Variants in CALD1 observed in about 807,000 individuals in gnomAD.
CALD1 encodes caldesmon 1, also known as caldesmon.
CALD1 carries 33 observed loss-of-function variants against 99.9 expected under a neutral mutation model. That is an observed-to-expected ratio of 0.33 (90% CI 0.25 to 0.44). The LOEUF is 0.44. CALD1 is among the 20% of genes least tolerant of loss of function. The probability of loss-of-function intolerance (pLI) is 1.00; values close to 1 mark genes in which losing one functional copy is unlikely to be tolerated. For missense variants in CALD1, 861 were observed against 962.1 expected, an observed-to-expected ratio of 0.89 and a Z score of 1.39; for synonymous variants, 310 against 325.0, an observed-to-expected ratio of 0.95 and a Z score of 0.50.
In CALD1 at chr7:134,933,853, G is replaced by A; in HGVS notation, c.1084G>A (p.Glu362Lys). The change falls in exon 5 of 15, where the codon GAA (glutamate) becomes AAA (lysine). Residue 362 changes from glutamate (E) to lysine (K), a missense_variant. This residue lies in a region of CALD1 where 21 missense variants were observed against 47.5 expected (regional missense o/e 0.44). Transcript: ENST00000361675. ...AGAGGAGAGGCAGAGGATAAAAGAG[G>A]AAGAGAAAAGGGCAGCAGAGGAGAG... Reference protein sequence around the residue: ...AAEERQRIKEEEKRAAEERQR... With the variant: ...AAEERQRIKEKEKRAAEERQR... 1 of 1,609,390 alleles carries A rather than the reference G, an allele frequency of 6.2e-7. No homozygotes were observed. Among genetic ancestry groups the A allele is most frequent in the Non-Finnish European group, 8.5e-7 (1 of 1,177,576 alleles).
At chr7:134,872,375 A>C (rs1024461061) in intron 3 of CALD1, among the ~76,000 whole-genome samples, 2 of 128,192 alleles carry the variant, frequency 1.6e-5, no homozygotes, top group Admixed American at 1.5e-4. Context: ...AAAAAAAAAA[A>C]AAAAAAACTT....
chr7:134,960,726 C>A, intron 13 of CALD1, 98 bp downstream of exon 13: 1 of 714,446 alleles, frequency 1.4e-6, no homozygotes, highest in Non-Finnish European at 2.5e-6. Context: ...AATGGCAGTG[C>A]CCCTGTTCTT....
intron 3 of CALD1, among the ~76,000 whole-genome samples, chr7:134,883,927 G>A (rs1006511591): frequency 1.3e-5 from 2 of 152,144 alleles, no homozygotes; most frequent in Non-Finnish European, 2.9e-5. Flanking sequence ...GACCAACACG[G>A]TGAGGTCTCT....
intron 1 of CALD1, among the ~76,000 whole-genome samples, chr7:134,771,139 C>T (rs1206816868): frequency 6.6e-6 from 1 of 152,140 alleles, no homozygotes; most frequent in Non-Finnish European, 1.5e-5. Flanking sequence ...GTGTTAGCTC[C>T]CACATCTCCG....
At chr7:134,749,305 G>A (rs1796664261) in intron 1 of CALD1, among the ~76,000 whole-genome samples, 1 of 152,248 alleles carries the variant, frequency 6.6e-6, no homozygotes, top group Admixed American at 6.5e-5. Context: ...AGGATGCAGA[G>A]CAAGGACTGG....
chr7:134,908,691 A>C (rs1792422953), intron 3 of CALD1, among the ~76,000 whole-genome samples: 1 of 152,188 alleles, frequency 6.6e-6, no homozygotes, highest in Non-Finnish European at 1.5e-5. Flanking sequence ...TCTAATGTGC[A>C]GCTGAGGTTG....
chr7:134,887,635 T>G (rs1476138302), intron 3 of CALD1, among the ~76,000 whole-genome samples: 1 of 151,668 alleles, frequency 6.6e-6, no homozygotes, highest in Non-Finnish European at 1.5e-5. Context: ...TGCCTGTGTG[T>G]ACATGCATGT....
the CALD1 span, among the ~76,000 whole-genome samples, chr7:134,713,329 C>T: frequency 6.6e-6 from 1 of 152,158 alleles, no homozygotes; most frequent in African/African-American, 2.4e-5. Context: ...TGGAAAATAA[C>T]CATAGTAAAT....
Position 134,933,863 on chromosome 7 carries a change from G to A in CALD1, c.1094G>A (p.Arg365Lys), listed in dbSNP as rs778911869. 1 of 1,611,310 alleles carries A rather than the reference G, an allele frequency of 6.2e-7. No individual in the cohort carries two copies. Among genetic ancestry groups the A allele is most frequent in the African/African-American group, 1.3e-5 (1 of 74,632 alleles). Residue 365 changes from arginine to lysine, a missense_variant, in exon 5 of 15, where the codon AGG becomes AAG. By Grantham distance (26) the Arg-to-Lys change is conservative (BLOSUM62 2). Coordinates refer to ENST00000361675, the MANE Select transcript of CALD1 (RefSeq NM_033138.4). The stretch of plus-strand genomic sequence containing the variant: ...CAGAGGATAAAAGAGGAAGAGAAAA[G>A]GGCAGCAGAGGAGAGGCAAAGGGCC... The part of the protein sequence containing the change: ...ERQRIKEEEK[R>K]AAEERQRARA...
chr7:134,947,588 A>G lies in CALD1; in HGVS notation c.1613A>G (p.Glu538Gly). 1 of 1,561,300 alleles carries G rather than the reference A, an allele frequency of 6.4e-7. No homozygotes were observed. The highest frequency in any genetic ancestry group is 8.7e-7 in the Non-Finnish European group (1 of 1,152,320). Residue 538 changes from glutamate to glycine, a missense_variant, in exon 8 of 15, where the codon GAG (glutamate) becomes GGG (glycine). This residue lies in a region of CALD1 where 293 missense variants were observed against 262.7 expected (regional missense o/e 1.12). Coordinates refer to ENST00000361675, the MANE Select transcript of CALD1 (RefSeq NM_033138.4). ...GTGGAAGCCGGCAAAAGGCTGGAGGAGCTTCGTCGTCGTCGCGGGGAGACC... is the reference window on the plus strand; with the variant it reads ...GTGGAAGCCGGCAAAAGGCTGGAGGGGCTTCGTCGTCGTCGCGGGGAGACC... ...PQVEAGKRLE[E>G]LRRRRGETES... is the part of the protein sequence containing the mutation.
chr7:134,886,859 T>C (rs1366015306), intron 3 of CALD1, among the ~76,000 whole-genome samples: 1 of 152,268 alleles, frequency 6.6e-6, no homozygotes, highest in Admixed American at 6.5e-5. Context: ...ATAGAATTTT[T>C]GTATACATGT....
intron 3 of CALD1, among the ~76,000 whole-genome samples, chr7:134,885,390 G>C (rs1252041498): frequency 1.3e-5 from 2 of 151,980 alleles, no homozygotes; most frequent in African/African-American, 4.8e-5. Context: ...TATTTCTCTA[G>C]CAATAGGAGC....
intron 2 of CALD1, among the ~76,000 whole-genome samples, chr7:134,858,504 CA>C (rs1248840726): frequency 1.3e-5 from 2 of 152,138 alleles, no homozygotes; most frequent in Non-Finnish European, 2.9e-5. Context: ...CCATATCTAA[CA>C]TACCTTCATG....
chr7:134,897,689 G>GT (rs1563077525), intron 3 of CALD1, among the ~76,000 whole-genome samples: 2 of 151,786 alleles, frequency 1.3e-5, no homozygotes, highest in Non-Finnish European at 2.9e-5. Context: ...GTTTTGTTTT[G>GT]TTTTTTGTTT....
chr7:134,808,068 C>G (rs894006879), intron 1 of CALD1, among the ~76,000 whole-genome samples: 2 of 151,662 alleles, frequency 1.3e-5, no homozygotes, highest in African/African-American at 4.8e-5. Context: ...AATTACAAAG[C>G]CTGTTCCATA....
chr7:134,935,481 G>A (rs943171951), intron 5 of CALD1, among the ~76,000 whole-genome samples: 9 of 152,244 alleles, frequency 5.9e-5, no homozygotes, highest in South Asian at 2.1e-4. Context: ...TTCAGTGAGC[G>A]CAATGGCAGG....
At chr7:134,932,214 C>A (rs1030069285) in intron 4 of CALD1, among the ~76,000 whole-genome samples, 2 of 152,140 alleles carry the variant, frequency 1.3e-5, no homozygotes, top group African/African-American at 2.4e-5. Context: ...GGTGATCACT[C>A]CCCCCAACTA....
chr7:134,950,378 A>G lies in CALD1; in HGVS notation c.1799A>G (p.Glu600Gly). The G allele has an allele frequency of 6.2e-7, 1 of 1,614,076 alleles. No homozygotes were observed. Among genetic ancestry groups the G allele is most frequent in the Non-Finnish European group, 8.5e-7 (1 of 1,179,946 alleles). Residue 600 changes from glutamate (E) to glycine (G), a missense_variant, in exon 9 of 15, where the codon GAG becomes GGG. Around this residue, in one of 5 missense-constraint regions of CALD1, gnomAD observed 190 missense variants for 249.0 expected, o/e 0.76. Coordinates refer to ENST00000361675, the MANE Select transcript of CALD1 (RefSeq NM_033138.4). ...EADRKLREEEEKRRLKEEIER... is the reference protein window; with the variant it reads ...EADRKLREEEGKRRLKEEIER... ...TATTTGTTCTTTCTCTCTTAGGAAG[A>G]GAAGAGGAGGCTAAAGGAAGAGATT...
At chr7:134,776,121 A>AT (rs1445007151), upstream of CALD1, among the ~76,000 whole-genome samples, 5 of 151,854 alleles carry the variant, frequency 3.3e-5, no homozygotes, top group African/African-American at 4.8e-5. Flanking sequence ...CCCAGTGGCT[A>AT]TTTTTTCTAT....
Sources: allele counts gnomAD v4.1 joint callset (sites outside exome capture counted in the v4.1 genomes callset), GRCh38; gene constraint gnomAD v4.1.1; regional missense constraint gnomAD v4.1.1; transcripts MANE v1.5; gene names NCBI Gene and HGNC (gene_info 2026-07-23, HGNC 2026-07-21).